The following LTBP3 variants were observed in gnomAD, a reference collection of about 807,000 sequenced individuals.
The protein encoded by LTBP3 is latent transforming growth factor beta binding protein 3, also known as latent-transforming growth factor beta-binding protein 3.
A neutral mutation model predicts 159.7 loss-of-function variants in LTBP3; 97 were observed. The ratio of observed to expected loss-of-function variants is 0.61; its 90% CI spans 0.52 to 0.72. The LOEUF (loss-of-function observed/expected upper bound fraction) is 0.72, where lower values mean the gene tolerates loss of function less well. Among genes scored for constraint, LTBP3 ranks in the 30% least tolerant of loss-of-function variants. The probability of loss-of-function intolerance (pLI) is 0.00; values close to 1 mark genes in which losing one functional copy is unlikely to be tolerated. For synonymous variants in LTBP3, 824 were observed against 777.1 expected (o/e 1.06, Z -1.00); for missense variants, 1,584 against 1,864.3 (o/e 0.85, Z 2.77).
intron 24 of LTBP3, 63 bp downstream of exon 24, chr11:65,539,950 C>G (rs1455748871): frequency 1.0e-5 from 15 of 1,461,422 alleles, no homozygotes; most frequent in African/African-American, 1.5e-5. Flanking sequence ...CCCACCCCAC[C>G]TGCGCGGGGG....
chr11:65,553,717 G>C lies in LTBP3; in HGVS notation c.848C>G (p.Thr283Ser), dbSNP rs1199144495. 1.2e-5 allele frequency: 19 copies of C among 1,578,764 alleles called. No individual in the cohort carries two copies. The highest frequency in any genetic ancestry group is 1.5e-5 in the Non-Finnish European group (18 of 1,170,160). Residue 283 changes from threonine (T) to serine (S), a missense_variant, in exon 3 of 28, where the codon ACT becomes AGT. This residue lies in a region of LTBP3 where 194 missense variants were observed against 198.7 expected (regional missense o/e 0.98). Transcript: ENST00000301873. This position sits in a 1 kb window ranked among gnomAD's most constrained non-coding sequence, Gnocchi z 6.5. ...QKPLGRCFQD[T>S]LPKQPCGSNP... ...TTCACTCACCGGCTGCTTGGGCAGA[G>C]TGTCCTGAAAGCAGCGGCCCAGGGG... is the stretch of plus-strand genomic sequence containing the variant.
chr11:65,542,665 C>A, intron 18 of LTBP3: 1 of 294,674 alleles, frequency 3.4e-6, no homozygotes. Context: ...GGATTACAGG[C>A]ATGAGCCACC....
At chr11:65,543,692 T>TGA in intron 16 of LTBP3, 143 bp from the exon 17 acceptor site, 1 of 1,088,680 alleles carries the variant, frequency 9.2e-7, no homozygotes, top group Non-Finnish European at 1.4e-6. Flanking sequence ...TGCTTCTGGG[T>TGA]GGCACACAGT....
Position 65,547,517 on chromosome 11 carries a change from T to C in LTBP3, c.2029A>G (p.Ile677Val), listed in dbSNP as rs752497794. 5.6e-6 allele frequency: 9 copies of C among 1,613,922 alleles called. No homozygotes were observed. The Middle Eastern group carries it at 6.6e-4, about 118-fold the overall frequency. The change falls in exon 14 of 28, where the codon ATC becomes GTC. Residue 677 changes from isoleucine to valine, a missense_variant. Transcript: ENST00000301873. This position sits in a 1 kb window ranked among gnomAD's most constrained non-coding sequence, Gnocchi z 4.6. ...PHLCGDGGFC[I>V]NFPGHYKCNC... is the part of the protein sequence containing the mutation. ...CACTTGTAGTGACCGGGAAAGTTGATGCAGAAGCCGCCGTCGCCGCACAGG... is the reference window on the plus strand; with the variant it reads ...CACTTGTAGTGACCGGGAAAGTTGACGCAGAAGCCGCCGTCGCCGCACAGG...
chr11:65,540,093 C>G lies in LTBP3; in HGVS notation c.3305G>C (p.Gly1102Ala). Reference protein sequence around the residue: ...CRPGRCVNLPGSYRCECRPPW... With the variant: ...CRPGRCVNLPASYRCECRPPW... The stretch of plus-strand genomic sequence containing the variant: ...CGGGCGACACTCGCAGCGGTAGGAG[C>G]CCGGCAGGTTGACGCAGCGGCCAGG... The change falls in exon 24 of 28, where the codon GGC (glycine) becomes GCC (alanine). Residue 1102 changes from glycine (G) to alanine (A), a missense_variant. This residue lies in a region of LTBP3 where 514 missense variants were observed against 530.3 expected (regional missense o/e 0.97). Transcript: ENST00000301873. 6 of 1,526,748 alleles carry G rather than the reference C, an allele frequency of 3.9e-6. No individual in the cohort carries two copies. The highest frequency in any genetic ancestry group is 4.4e-6 in the Non-Finnish European group (5 of 1,141,374). The allele number at this position is 1,526,748 out of a possible 1,614,324, so 94.6% of individuals were successfully genotyped here.
At chr11:65,550,361 G>A (rs1363372198) in intron 11 of LTBP3, among the ~76,000 whole-genome samples, 11 of 151,808 alleles carry the variant, frequency 7.2e-5, no homozygotes, top group South Asian at 2.1e-4. Context: ...GCAGTGAGCC[G>A]AGATCGCGCC....
At chr11:65,545,156 G>A (rs921230708) in intron 16 of LTBP3, 20 of 181,096 alleles carry the variant, frequency 1.1e-4, no homozygotes, top group Non-Finnish European at 2.1e-4. Context: ...CTCCTTCCCT[G>A]GAAATATGTC....
rs1207853212 is a variant in LTBP3, at chr11:65,538,923, G to A, written c.*157C>T. On this transcript the variant is annotated 3_prime_UTR_variant, in exon 28 of 28. Transcript: ENST00000301873. ...CAACCGCCCGCTAACCGGGGAGGGG[G>A]GCCGGTAGGGGCGCCTCGGGTCTCA... The A allele has an allele frequency of 7.8e-7, 1 of 1,278,090 alleles. No individual in the cohort carries two copies. Among genetic ancestry groups the A allele is most frequent in the African/African-American group, 1.6e-5 (1 of 63,560 alleles). The allele number at this position is 1,278,090 out of a possible 1,614,324, so 79.2% of individuals were successfully genotyped here.
intron 21 of LTBP3, 97 bp downstream of exon 21, chr11:65,540,774 C>G (rs893063188): frequency 4.3e-6 from 6 of 1,405,232 alleles, no homozygotes; most frequent in Non-Finnish European, 5.8e-6. Flanking sequence ...GGGGCTTACC[C>G]GGCGCGGGCA....
chr11:65,553,124 C>T lies in LTBP3; in HGVS notation c.1063+40G>A, dbSNP rs367553264. On this transcript the variant is annotated intron_variant, in intron 5 of 27. Coordinates refer to ENST00000301873, the MANE Select transcript of LTBP3 (RefSeq NM_001130144.3). The surrounding 1 kb of genome is among the most constrained non-coding windows in gnomAD (Gnocchi z 6.5). ...CCTCCCCACCCCCAGTGATGGCTGG[C>T]CTGCCCCTCCAGCCCACAGAATCTC... 2.5e-6 allele frequency: 4 copies of T among 1,604,880 alleles called. No homozygotes were observed. The African/African-American group carries it at 5.4e-5, about 21-fold the overall frequency.
intron 18 of LTBP3, 165 bp from the exon 19 acceptor site, chr11:65,541,893 C>A: frequency 1.3e-6 from 1 of 755,720 alleles, no homozygotes; most frequent in Non-Finnish European, 2.2e-6. Flanking sequence ...TGCATGTGGA[C>A]ATTAGCTGCT....
At position 65,548,025 on chromosome 11, in the gene LTBP3, T is replaced by C. The variant is rs1856456520; in HGVS notation, c.1741A>G (p.Asn581Asp). 1 of 1,613,858 alleles carries C rather than the reference T, an allele frequency of 6.2e-7. No homozygotes were observed. Among genetic ancestry groups the C allele is most frequent in the Non-Finnish European group, 8.5e-7 (1 of 1,179,960 alleles). Residue 581 changes from asparagine to aspartate, a missense_variant, in exon 12 of 28, where the codon AAC (asparagine) becomes GAC (aspartate). Transcript: ENST00000301873. ...TCTCCGTGGCCACAGATGTTCTGGT[T>C]CAGTCGGCACTCATCAGTCTCTGCG... ...QVTETDECRL[N>D]QNICGHGECV...
intron 21 of LTBP3, 105 bp from the exon 22 acceptor site, chr11:65,540,719 G>GAGGGGCGGGGCCTACAGC: frequency 6.4e-7 from 1 of 1,559,236 alleles, no homozygotes; most frequent in Non-Finnish European, 8.8e-7. Flanking sequence ...GGGCCTACAG[G>GAGGGGCGGGGCCTACAGC]AGGGGCGGGG....
chr11:65,556,156 G>A (rs540638237), intron 1 of LTBP3, among the ~76,000 whole-genome samples: 4 of 152,118 alleles, frequency 2.6e-5, no homozygotes, highest in South Asian at 4.1e-4. Context: ...ATGGACACAC[G>A]TACACTCACA....
At position 65,551,154 on chromosome 11, in the gene LTBP3, G is replaced by A. The variant is rs201866318; in HGVS notation, c.1692C>T (p.Ala564=). 2.6e-6 allele frequency: 4 copies of A among 1,553,832 alleles called. No homozygotes were observed. Among genetic ancestry groups the A allele is most frequent in the East Asian group, 2.4e-5 (1 of 41,084 alleles). The change falls in exon 11 of 28, where the codon GCC becomes GCT. Residue 564 remains alanine, a synonymous_variant. Coordinates refer to ENST00000301873, the MANE Select transcript of LTBP3 (RefSeq NM_001130144.3). ...TGACCTGAGTGGGAGCGATCTCTAC[G>A]GCGCTGCGGGAAGGAGGCAAGTCCG... ...FLPDLPPSRS[A]VEIAPTQVTE... is the part of the protein sequence containing the mutation.
rs1438495562 is a variant in LTBP3 at position 65,552,232 on chromosome 11, G to T, written c.1345+16C>A. On this transcript the variant is annotated intron_variant, in intron 7 of 27. Coordinates refer to ENST00000301873, the MANE Select transcript of LTBP3 (RefSeq NM_001130144.3). This position sits in a 1 kb window ranked among gnomAD's most constrained non-coding sequence, Gnocchi z 6.0. ...ATGGACCTATGAACCCCTATCCCCGGGTAACCCTGACTCACCGGTGCCATC... is the reference window on the plus strand; with the variant it reads ...ATGGACCTATGAACCCCTATCCCCGTGTAACCCTGACTCACCGGTGCCATC... The T allele has an allele frequency of 6.2e-7, 1 of 1,614,022 alleles. No individual in the cohort carries two copies. The highest frequency in any genetic ancestry group is 8.5e-7 in the Non-Finnish European group (1 of 1,180,020).
chr11:65,540,813 G>A (rs748757087), intron 21 of LTBP3, 58 bp downstream of exon 21: 14 of 1,548,006 alleles, frequency 9.0e-6, no homozygotes, highest in Non-Finnish European at 1.2e-5. Context: ...GGCGGGATCC[G>A]GGCGAGCCCA....
chr11:65,542,029 C>G (rs1043693427), intron 18 of LTBP3: 1 of 385,190 alleles, frequency 2.6e-6, no homozygotes, highest in Non-Finnish European at 5.0e-6. Flanking sequence ...ACGCCTTACT[C>G]TAGACCACCC....
rs895010135 is a variant in LTBP3, at chr11:65,552,535, T to C, written c.1187-129A>G. On this transcript the variant is annotated intron_variant, in intron 6 of 27. Coordinates refer to ENST00000301873, the MANE Select transcript of LTBP3 (RefSeq NM_001130144.3). This position sits in a 1 kb window ranked among gnomAD's most constrained non-coding sequence, Gnocchi z 6.0. ...ATCCCCCATGTGGTCTCTGACCCCA[T>C]ATGACCCTGAACTCATGTGACCCCT... 7.6e-6 allele frequency: 9 copies of C among 1,185,598 alleles called. No homozygotes were observed. Among genetic ancestry groups the C allele is most frequent in the African/African-American group, 1.5e-5 (1 of 66,084 alleles). The allele number at this position is 1,185,598 out of a possible 1,614,324, so 73.4% of individuals were successfully genotyped here.
Sources: gnomAD v4.1 joint callset for allele counts (sites outside exome capture counted in the v4.1 genomes callset) on GRCh38, gnomAD v4.1.1 for gene constraint, gnomAD v4.1.1 regional missense constraint, Gnocchi (gnomAD v3.1) non-coding constraint, MANE v1.5 for transcripts, NCBI Gene and HGNC (gene_info 2026-07-23, HGNC 2026-07-21) for gene names.